FMN1: variants seen among roughly 807,000 people sequenced by gnomAD.
The protein encoded by FMN1 is formin 1.
A neutral mutation model predicts 132.4 loss-of-function variants in FMN1; 110 were observed. The observed-to-expected ratio is 0.83, with a 90% CI of 0.71 to 0.97. FMN1 has a LOEUF of 0.97. Ranked by LOEUF, FMN1 falls within the 50% of genes least tolerant of loss-of-function variation. The pLI, the probability that FMN1 is intolerant of heterozygous loss-of-function variation, is 0.00. For synonymous variants in FMN1, 722 were observed against 651.7 expected, an observed-to-expected ratio of 1.11 and a Z score of -1.64; for missense variants, 1,792 against 1,705.3, an observed-to-expected ratio of 1.05 and a Z score of -0.90.
rs576510263 is a variant in FMN1, at chr15:33,035,296, A to G, written c.2162-27221T>C. Among the ~76,000 whole-genome samples, 9 of 152,326 alleles carry G rather than the reference A, an allele frequency of 5.9e-5. No individual in the cohort carries two copies. In the South Asian group the frequency reaches 1.9e-3, roughly 32 times the overall value. ...CCTATTGCTGACAAAGTCATAGTCT[A>G]TCTATATTCATGATGGAGGAAAATG... is the stretch of plus-strand genomic sequence containing the variant. On this transcript the variant is annotated intron_variant, in intron 6 of 20. Transcript: ENST00000616417.
intron 8 of FMN1, among the ~76,000 whole-genome samples, chr15:32,966,519 AACTT>A (rs1443782528): frequency 6.6e-6 from 1 of 152,098 alleles, no homozygotes; most frequent in Admixed American, 6.5e-5. Flanking sequence ...GAAAATGAGA[AACTT>A]ACTAAGAAGC....
chr15:33,128,180 A>C (rs1037436957), intron 4 of FMN1, among the ~76,000 whole-genome samples: 1 of 122,168 alleles, frequency 8.2e-6, no homozygotes, highest in African/African-American at 6.5e-5. Context: ...AAAGCAAGCA[A>C]ACAAATTGCT....
rs1336546216 is a variant in FMN1 at position 33,046,998 on chromosome 15, G to A, written c.2161+17959C>T. Among the ~76,000 whole-genome samples, 6 of 152,160 alleles carry A rather than the reference G, an allele frequency of 3.9e-5. No homozygotes were observed. The East Asian group carries it at 1.2e-3, about 29-fold the overall frequency. The stretch of plus-strand genomic sequence containing the variant: ...CTGGTCAGTAACAAACTTTGCTGCA[G>A]TTCCCTGAAACAAGCAAAAAACTGG... On this transcript the variant is annotated intron_variant, in intron 6 of 20. Coordinates refer to ENST00000616417, the MANE Select transcript of FMN1 (RefSeq NM_001277313.2).
intron 5 of FMN1, among the ~76,000 whole-genome samples, chr15:33,086,245 C>T (rs1178835007): frequency 6.9e-6 from 1 of 144,272 alleles, no homozygotes; most frequent in Non-Finnish European, 1.5e-5. Flanking sequence ...AGCAAGACTC[C>T]ATCTCAAATT....
intron 5 of FMN1, among the ~76,000 whole-genome samples, chr15:33,069,756 T>G (rs1318552289): frequency 6.6e-6 from 1 of 152,228 alleles, no homozygotes; most frequent in Admixed American, 6.5e-5. Context: ...TTTGATCTTG[T>G]GTTTTAAACA....
intron 3 of FMN1, among the ~76,000 whole-genome samples, chr15:33,157,993 CAAAAAAAAAA>C (rs71756813): frequency 8.1e-6 from 1 of 123,502 alleles, no homozygotes; most frequent in Non-Finnish European, 1.7e-5. Flanking sequence ...CCCTGTCTTT[CAAAAAAAAAA>C]AAAAAAAGAA....
In FMN1 at chr15:32,969,107, T is replaced by A; in HGVS notation, c.2594A>T (p.Gln865Leu). Reference sequence around the variant, plus strand: ...TGCGGGAGGCGGAGGCAATGCCTTCTGCTGATTTGATGCCATGCCCTCCAT... The same window carrying A: ...TGCGGGAGGCGGAGGCAATGCCTTCAGCTGATTTGATGCCATGCCCTCCAT... ...QPMEGMASNQ[Q>L]KALPPPPASI... The change falls in exon 8 of 21, where the codon CAG becomes CTG. Residue 865 changes from glutamine (Q) to leucine (L), a missense_variant. By Grantham distance (113) the Gln-to-Leu change is moderately radical. Transcript: ENST00000616417. 6.2e-7 allele frequency: 1 copy of A among 1,612,816 alleles called. No homozygotes were observed. The highest frequency in any genetic ancestry group is 2.2e-5 in the East Asian group (1 of 44,872).
chr15:32,928,298 C>CA (rs2061014458), intron 9 of FMN1, among the ~76,000 whole-genome samples: 1 of 151,078 alleles, frequency 6.6e-6, no homozygotes, highest in Non-Finnish European at 1.5e-5. Context: ...AGAAGGTACT[C>CA]AGTAATTTTT....
Position 33,066,933 on chromosome 15 carries a change from A to C in FMN1, c.2044-1859T>G, listed in dbSNP as rs746721647. The C allele has an allele frequency of 2.2e-5, 35 of 1,613,940 alleles. 1 individual carries two copies. Among genetic ancestry groups the C allele is most frequent in the Non-Finnish European group, 2.1e-5 (25 of 1,179,866 alleles). ...ACTGTCTGCAGCCCTGCCTGCACTA[A>C]GGACTTCTGCACAGGCTGCGTCAAT... On this transcript the variant is annotated intron_variant, in intron 5 of 20. Transcript: ENST00000616417.
chr15:32,904,034 T>C (rs1567362312), intron 12 of FMN1, among the ~76,000 whole-genome samples: 1 of 152,212 alleles, frequency 6.6e-6, no homozygotes, highest in Non-Finnish European at 1.5e-5. Flanking sequence ...CCTTTAGGAA[T>C]GTATGAGGCA....
rs374934375 is a variant in FMN1 at position 33,124,676 on chromosome 15, ATTCCT to A, written c.1867+28367_1867+28371del. 2.1e-3 allele frequency among the ~76,000 whole-genome samples: 321 copies of A among 152,288 alleles called. 6 individuals are homozygous for A. In the South Asian group the frequency reaches 0.036, roughly 17 times the overall value. On this transcript the variant is annotated intron_variant, in intron 4 of 20. Transcript: ENST00000616417. ...CTTTTCAATAAAAATATCTGAGATT[ATTCCT>A]TTCATTTTCAGAAACTGATCCACAA...
chr15:32,993,068 C>A (rs1423171490), intron 7 of FMN1, among the ~76,000 whole-genome samples: 1 of 152,168 alleles, frequency 6.6e-6, no homozygotes, highest in Non-Finnish European at 1.5e-5. Context: ...ATGCTTCATT[C>A]TCCTAGGGAC....
intron 6 of FMN1, chr15:33,012,946 G>A (rs2034814087): frequency 1.6e-5 from 8 of 486,138 alleles, no homozygotes; most frequent in South Asian, 1.3e-4. Flanking sequence ...ATCCATGAAG[G>A]GAAAAAACTT....
intron 9 of FMN1, among the ~76,000 whole-genome samples, chr15:32,934,437 G>A (rs914057814): frequency 1.3e-5 from 2 of 151,822 alleles, no homozygotes; most frequent in African/African-American, 2.4e-5. Flanking sequence ...CAAGCTTTGC[G>A]CTTTCATATG....
At chr15:32,837,686 T>C (rs2058659159) in intron 17 of FMN1, among the ~76,000 whole-genome samples, 1 of 152,214 alleles carries the variant, frequency 6.6e-6, no homozygotes, top group South Asian at 2.1e-4. Context: ...CTAATGCTCC[T>C]GAAAGGTGGA....
chr15:32,930,940 G>A (rs956703340), intron 9 of FMN1, among the ~76,000 whole-genome samples: 2 of 152,064 alleles, frequency 1.3e-5, no homozygotes, highest in African/African-American at 2.4e-5. Context: ...ACTATCTGTT[G>A]GAGAGACTAT....
intron 6 of FMN1, among the ~76,000 whole-genome samples, chr15:33,060,954 G>A (rs1324376051): frequency 1.3e-5 from 2 of 152,124 alleles, no homozygotes; most frequent in Non-Finnish European, 2.9e-5. Flanking sequence ...TTAATAATGA[G>A]AAATTTCAGG....
At chr15:33,081,286 T>C (rs1295933037) in intron 5 of FMN1, among the ~76,000 whole-genome samples, 1 of 152,200 alleles carries the variant, frequency 6.6e-6, no homozygotes, top group Admixed American at 6.5e-5. Context: ...ATTTGTAACA[T>C]TTCCAACAAT....
chr15:32,964,672 A>C (rs528072260), intron 8 of FMN1, among the ~76,000 whole-genome samples: 1 of 152,326 alleles, frequency 6.6e-6, no homozygotes, highest in South Asian at 2.1e-4. Context: ...ATTCTGAAGG[A>C]GACTGAAAAT....
Sources: gnomAD v4.1 joint callset for allele counts (sites outside exome capture counted in the v4.1 genomes callset) on GRCh38, gnomAD v4.1.1 for gene constraint, MANE v1.5 for transcripts, NCBI Gene and HGNC (gene_info 2026-07-23, HGNC 2026-07-21) for gene names.